DENND2B: variants seen among roughly 807,000 people sequenced by gnomAD.
DENND2B encodes DENN domain-containing protein 2B.
Under a neutral mutation model 116.0 loss-of-function variants are expected in DENND2B, and 32 were observed. The observed-to-expected ratio is 0.28, with a 90% CI of 0.21 to 0.37. DENND2B has a LOEUF of 0.37. Ranked by LOEUF, DENND2B falls within the 10% of genes least tolerant of loss-of-function variation. The pLI is 1.00. For synonymous variants in DENND2B, 588 were observed against 583.9 expected (o/e 1.01, Z -0.10); for missense variants, 1,276 against 1,477.7 (o/e 0.86, Z 2.24).
At chr11:8,863,399 AT>A (rs1419566079) in intron 2 of DENND2B, among the ~76,000 whole-genome samples, 1 of 146,482 alleles carries the variant, frequency 6.8e-6, no homozygotes, top group Non-Finnish European at 1.5e-5. Flanking sequence ...CGCCTGGCTA[AT>A]TTTTTTGTAT....
At chr11:8,843,244 G>C (rs1161320373) in intron 3 of DENND2B, among the ~76,000 whole-genome samples, 1 of 152,078 alleles carries the variant, frequency 6.6e-6, no homozygotes, top group African/African-American at 2.4e-5. Flanking sequence ...CTGACCTCAG[G>C]TGATTCGCCC....
chr11:8,715,573 G>T, intron 6 of DENND2B, 30 bp downstream of exon 6: 1 of 1,607,026 alleles, frequency 6.2e-7, no homozygotes, highest in Non-Finnish European at 8.5e-7. Context: ...CACCTGCCCG[G>T]CTCCAGTGGG....
chr11:8,713,197 A>G (rs1157759666), intron 8 of DENND2B, among the ~76,000 whole-genome samples: 1 of 152,180 alleles, frequency 6.6e-6, no homozygotes, highest in African/African-American at 2.4e-5. Context: ...CAGTAGAGAA[A>G]GCACAAAGAT....
chr11:8,762,399 T>C (rs999457101), intron 1 of DENND2B, among the ~76,000 whole-genome samples: 1 of 152,174 alleles, frequency 6.6e-6, no homozygotes, highest in Non-Finnish European at 1.5e-5. Context: ...GGCTCCACAG[T>C]CCAGGCCCAT....
intron 1 of DENND2B, among the ~76,000 whole-genome samples, chr11:8,800,676 T>G (rs570779459): frequency 6.6e-6 from 1 of 152,200 alleles, no homozygotes; most frequent in Non-Finnish European, 1.5e-5. Context: ...GATATGACCT[T>G]TCCAGGCTGT....
chr11:8,730,578 G>A lies in DENND2B; in HGVS notation c.712C>T (p.Pro238Ser), dbSNP rs745405118. 1.2e-6 allele frequency: 2 copies of A among 1,613,078 alleles called. No individual in the cohort carries two copies. Among genetic ancestry groups the A allele is most frequent in the Non-Finnish European group, 1.7e-6 (2 of 1,180,040 alleles). Residue 238 changes from proline to serine, a missense_variant, in exon 3 of 20, where the codon CCA (proline) becomes TCA (serine). Pro to Ser is a moderately conservative substitution (Grantham distance 74). This residue lies in a region of DENND2B where 856 missense variants were observed against 846.6 expected (regional missense o/e 1.01). Coordinates refer to ENST00000313726, the MANE Select transcript of DENND2B (RefSeq NM_213618.2). This position sits in a 1 kb window ranked among gnomAD's most constrained non-coding sequence, Gnocchi z 4.1. Reference protein sequence around the residue: ...MSRTFSECSYPETEEEGEALP... With the variant: ...MSRTFSECSYSETEEEGEALP... ...GCCTCTCCCTCCTCCTCAGTCTCTGGGTAGGAACACTCGGAGAAGGTCCTG... is the reference window on the plus strand; with the variant it reads ...GCCTCTCCCTCCTCCTCAGTCTCTGAGTAGGAACACTCGGAGAAGGTCCTG...
chr11:8,699,518 C>T (rs991261643), intron 14 of DENND2B, 128 bp from the exon 15 acceptor site: 5 of 903,752 alleles, frequency 5.5e-6, no homozygotes, highest in Non-Finnish European at 8.3e-6. Flanking sequence ...GGTTCAGGGA[C>T]CCTGCAGACT....
intron 4 of DENND2B, among the ~76,000 whole-genome samples, chr11:8,820,043 T>C (rs1312183020): frequency 6.6e-6 from 1 of 152,166 alleles, no homozygotes; most frequent in Non-Finnish European, 1.5e-5. Flanking sequence ...ATACAATACA[T>C]GGTTACAGGA....
chr11:8,718,875 T>C (rs935842979), intron 4 of DENND2B: 10 of 995,072 alleles, frequency 1.0e-5, no homozygotes, highest in African/African-American at 1.7e-5. Flanking sequence ...TTTTCTAAAA[T>C]AGAGTAACAC....
At chr11:8,715,493 G>A (rs1319487646) in intron 6 of DENND2B, 110 bp downstream of exon 6, 6 of 1,094,832 alleles carry the variant, frequency 5.5e-6, no homozygotes, top group South Asian at 4.2e-5. Flanking sequence ...AAAGGGAATC[G>A]AGGAAGCAGT....
chr11:8,808,300 C>G (rs571707121), intron 1 of DENND2B: 1 of 152,384 alleles, frequency 6.6e-6, no homozygotes, highest in African/African-American at 2.4e-5. Context: ...GGCCTGGCCT[C>G]TTTTCCAGCT....
chr11:8,909,448 A>G (rs1014623168), intron 1 of DENND2B, among the ~76,000 whole-genome samples: 1 of 145,880 alleles, frequency 6.9e-6, no homozygotes, highest in Non-Finnish European at 1.5e-5. Flanking sequence ...GAAGAAGGAG[A>G]AGGAGAAGGA....
At chr11:8,826,116 G>A (rs1220268194) in intron 4 of DENND2B, among the ~76,000 whole-genome samples, 8 of 152,266 alleles carry the variant, frequency 5.3e-5, no homozygotes, top group South Asian at 2.1e-4. Flanking sequence ...GAAAACTACC[G>A]CTTTTATCCC....
rs2133691423 is a variant in DENND2B at position 8,698,922 on chromosome 11, C to G, written c.2940+11G>C. ...CAGGAGCCCAACTCTAGCAAGCACC[C>G]ACCCTCTTACCTGTCGGATGAATCG... On this transcript the variant is annotated intron_variant, in intron 16 of 19. Coordinates refer to ENST00000313726, the MANE Select transcript of DENND2B (RefSeq NM_213618.2). 1 of 1,614,132 alleles carries G rather than the reference C, an allele frequency of 6.2e-7. No individual in the cohort carries two copies. The highest frequency in any genetic ancestry group is 2.2e-5 in the East Asian group (1 of 44,888).
At chr11:8,907,720 G>A (rs1193429644) in intron 1 of DENND2B, among the ~76,000 whole-genome samples, 1 of 151,814 alleles carries the variant, frequency 6.6e-6, no homozygotes, top group African/African-American at 2.4e-5. Flanking sequence ...TCTTAAGATA[G>A]GTTCTTACTC....
At chr11:8,797,025 C>A (rs1209691499) in intron 1 of DENND2B, among the ~76,000 whole-genome samples, 1 of 152,160 alleles carries the variant, frequency 6.6e-6, no homozygotes, top group African/African-American at 2.4e-5. Context: ...GGAAAAAACT[C>A]ATTAGATGTT....
intron 1 of DENND2B, among the ~76,000 whole-genome samples, chr11:8,889,017 T>C (rs1011382625): frequency 6.6e-6 from 1 of 152,188 alleles, no homozygotes; most frequent in African/African-American, 2.4e-5. Flanking sequence ...GAAAACAGTA[T>C]GGTGATTCTG....
chr11:8,893,683 C>G (rs530205744), intron 1 of DENND2B, among the ~76,000 whole-genome samples: 2 of 152,262 alleles, frequency 1.3e-5, no homozygotes, highest in South Asian at 4.2e-4. Flanking sequence ...AGTAATCCAA[C>G]TTACAAGGGA....
At chr11:8,883,082 T>A (rs1236821467) in intron 1 of DENND2B, among the ~76,000 whole-genome samples, 1 of 152,224 alleles carries the variant, frequency 6.6e-6, no homozygotes, top group African/African-American at 2.4e-5. Flanking sequence ...ACAGAGTTAC[T>A]TGCACAGAAT....
Sources: gnomAD v4.1 joint callset for allele counts (sites outside exome capture counted in the v4.1 genomes callset) on GRCh38, gnomAD v4.1.1 for gene constraint, gnomAD v4.1.1 regional missense constraint, Gnocchi (gnomAD v3.1) non-coding constraint, MANE v1.5 for transcripts, NCBI Gene and HGNC (gene_info 2026-07-23, HGNC 2026-07-21) for gene names.